B4GALT6: variants seen among roughly 807,000 people sequenced by gnomAD.
B4GALT6 encodes the protein beta-1,4-galactosyltransferase 6, also known as UDP-Gal:beta-GlcNAc beta-1,4-galactosyltransferase 6.
Under a neutral mutation model 46.3 loss-of-function variants are expected in B4GALT6, and 14 were observed. That is an observed-to-expected ratio of 0.30 (90% CI 0.20 to 0.47). The LOEUF (loss-of-function observed/expected upper bound fraction) is 0.47. B4GALT6 is among the 20% of genes least tolerant of loss of function. The probability of loss-of-function intolerance (pLI) is 0.99; values close to 1 mark genes in which losing one functional copy is unlikely to be tolerated. For synonymous variants in B4GALT6, 168 were observed against 162.0 expected (o/e 1.04, Z -0.28); for missense variants, 386 against 480.1 (o/e 0.80, Z 1.83).
chr18:31,681,649 A>G (rs866058696), intron 1 of B4GALT6, among the ~76,000 whole-genome samples: 1 of 152,352 alleles, frequency 6.6e-6, no homozygotes. Flanking sequence ...CAACTGTGTG[A>G]TGTATCTGCT....
At chr18:31,629,723 G>A (rs368042609) in intron 6 of B4GALT6, among the ~76,000 whole-genome samples, 3 of 150,160 alleles carry the variant, frequency 2.0e-5, no homozygotes, top group South Asian at 2.1e-4. Flanking sequence ...GGTGGCAGGC[G>A]CCTGTAGTCC....
At chr18:31,662,009 C>T (rs971009771) in intron 2 of B4GALT6, among the ~76,000 whole-genome samples, 4 of 152,284 alleles carry the variant, frequency 2.6e-5, no homozygotes, top group East Asian at 1.9e-4. Context: ...CAGAAGTGCT[C>T]GGCTCTCTAG....
chr18:31,694,433 G>T, the B4GALT6 span, among the ~76,000 whole-genome samples: 1 of 152,158 alleles, frequency 6.6e-6, no homozygotes, highest in African/African-American at 2.4e-5. Context: ...TCCCAAGCAA[G>T]ACTGAATATC....
At chr18:31,701,061 G>A in the B4GALT6 span, among the ~76,000 whole-genome samples, 1 of 152,148 alleles carries the variant, frequency 6.6e-6, no homozygotes, top group Non-Finnish European at 1.5e-5. Flanking sequence ...AATAAACATA[G>A]AAATTCAGTA....
the B4GALT6 span, among the ~76,000 whole-genome samples, chr18:31,708,141 G>A: frequency 5.9e-5 from 9 of 152,300 alleles, no homozygotes; most frequent in Middle Eastern, 6.8e-3. Context: ...TCTACAGAAG[G>A]TTTGGCATGA....
chr18:31,683,961 A>G (rs1363098652), intron 1 of B4GALT6, among the ~76,000 whole-genome samples: 4 of 152,354 alleles, frequency 2.6e-5, no homozygotes, highest in South Asian at 2.1e-4. Flanking sequence ...ACTACGATTA[A>G]GCACTCAGTT....
chr18:31,722,995 G>T, the B4GALT6 span, among the ~76,000 whole-genome samples: 1,020 of 152,202 alleles, frequency 6.7e-3, 14 homozygotes, highest in African/African-American at 0.023. Flanking sequence ...TTTAAATCTT[G>T]GCATACTCAA....
chr18:31,718,063 G>A, the B4GALT6 span, among the ~76,000 whole-genome samples: 1 of 151,926 alleles, frequency 6.6e-6, no homozygotes, highest in African/African-American at 2.4e-5. Flanking sequence ...AACATTTTAT[G>A]ATGAGTTTTA....
At chr18:31,660,803 T>C (rs1292802884) in intron 2 of B4GALT6, among the ~76,000 whole-genome samples, 2 of 152,112 alleles carry the variant, frequency 1.3e-5, no homozygotes, top group African/African-American at 2.4e-5. Context: ...TATTCCATAC[T>C]GATAGGACTG....
intron 2 of B4GALT6, among the ~76,000 whole-genome samples, chr18:31,659,400 G>A (rs1397626249): frequency 6.6e-6 from 1 of 152,122 alleles, no homozygotes; most frequent in African/African-American, 2.4e-5. Context: ...TAGGAGTCAG[G>A]ACAGTACTTC....
intron 1 of B4GALT6, among the ~76,000 whole-genome samples, chr18:31,672,085 C>T (rs1354412171): frequency 2.0e-5 from 3 of 152,214 alleles, no homozygotes; most frequent in African/African-American, 7.2e-5. Context: ...GCTTTGCTCA[C>T]TAACAGTGCT....
At chr18:31,626,182 T>G in intron 8 of B4GALT6, 101 bp downstream of exon 8, 1 of 616,750 alleles carries the variant, frequency 1.6e-6, no homozygotes, top group Non-Finnish European at 2.7e-6. Context: ...TTATGAAAAT[T>G]CCCTTCAGCA....
chr18:31,630,601 T>C (rs889330975), intron 6 of B4GALT6, among the ~76,000 whole-genome samples: 2 of 152,142 alleles, frequency 1.3e-5, no homozygotes, highest in African/African-American at 4.8e-5. Context: ...AGCAGCTCTA[T>C]GGATGGAATC....
At chr18:31,670,130 C>A (rs966484616) in intron 1 of B4GALT6, among the ~76,000 whole-genome samples, 1 of 151,760 alleles carries the variant, frequency 6.6e-6, no homozygotes, top group Admixed American at 6.6e-5. Context: ...CTTGGCTCTC[C>A]GTAACCTCCA....
intron 1 of B4GALT6, among the ~76,000 whole-genome samples, chr18:31,678,494 G>A (rs1454157486): frequency 2.6e-5 from 4 of 152,172 alleles, no homozygotes; most frequent in Non-Finnish European, 4.4e-5. Flanking sequence ...ATTGTCCAGG[G>A]CAAAAATAAT....
chr18:31,651,546 C>A (rs1157853781), intron 3 of B4GALT6, among the ~76,000 whole-genome samples: 1 of 152,120 alleles, frequency 6.6e-6, no homozygotes, highest in African/African-American at 2.4e-5. Context: ...CCCTCAGGGA[C>A]ACACGGCCTC....
chr18:31,632,803 T>G (rs2073807867), intron 5 of B4GALT6, among the ~76,000 whole-genome samples: 1 of 152,246 alleles, frequency 6.6e-6, no homozygotes, highest in African/African-American at 2.4e-5. Flanking sequence ...ATTATTACTT[T>G]GTACTGAAGG....
chr18:31,684,452 G>C lies in B4GALT6; in HGVS notation c.-26C>G, dbSNP rs756159203. The C allele has an allele frequency of 1.2e-6, 2 of 1,610,124 alleles. No homozygotes were observed. The highest frequency in any genetic ancestry group is 3.4e-5 in the Admixed American group (2 of 59,518). Reference sequence around the variant, plus strand: ...CTTCCTCTTCCCTGCCAGCAGCCCAGGCTGCGCTCTCAGGCCGGACTCGGG... The same window carrying C: ...CTTCCTCTTCCCTGCCAGCAGCCCACGCTGCGCTCTCAGGCCGGACTCGGG... On this transcript the variant is annotated 5_prime_UTR_variant, in exon 1 of 9. Coordinates refer to ENST00000306851, the MANE Select transcript of B4GALT6 (RefSeq NM_004775.5).
At chr18:31,625,859 T>G in intron 8 of B4GALT6, 98 bp from the exon 9 acceptor site, 1 of 926,450 alleles carries the variant, frequency 1.1e-6, no homozygotes, top group Non-Finnish European at 1.5e-6. Flanking sequence ...ATTAAAGCAC[T>G]TAATGCCCTT....
Sources: gnomAD v4.1 joint callset for allele counts (sites outside exome capture counted in the v4.1 genomes callset) on GRCh38, gnomAD v4.1.1 for gene constraint, MANE v1.5 for transcripts, NCBI Gene and HGNC (gene_info 2026-07-23, HGNC 2026-07-21) for gene names.